Variants in PHTF1 observed in about 807,000 individuals in gnomAD.
The protein encoded by PHTF1 is putative homeodomain transcription factor 1.
A neutral mutation model predicts 102.4 loss-of-function variants in PHTF1; 88 were observed. That is an observed-to-expected ratio of 0.86 (90% CI 0.72 to 1.03). The LOEUF (loss-of-function observed/expected upper bound fraction) is 1.03, where lower values mean the gene tolerates loss of function less well. Ranked by LOEUF, PHTF1 falls within the 50% of genes least tolerant of loss-of-function variation. The pLI is 0.00. For missense variants in PHTF1, 814 were observed against 909.5 expected, an observed-to-expected ratio of 0.89 and a Z score of 1.35; for synonymous variants, 289 against 305.2, an observed-to-expected ratio of 0.95 and a Z score of 0.55.
At chr1:113,736,367 G>A (rs894024937) in intron 5 of PHTF1, among the ~76,000 whole-genome samples, 12 of 150,520 alleles carry the variant, frequency 8.0e-5, no homozygotes, top group Non-Finnish European at 1.6e-4. Flanking sequence ...AAGATACGTA[G>A]ATAGGAATGG....
chr1:113,715,772 A>T (rs1029984114), intron 7 of PHTF1, among the ~76,000 whole-genome samples: 6 of 144,102 alleles, frequency 4.2e-5, no homozygotes, highest in Non-Finnish European at 7.6e-5. Flanking sequence ...TGAAATAACT[A>T]AAAAAAAAAA....
At chr1:113,733,425 A>C (rs1655008058) in intron 5 of PHTF1, among the ~76,000 whole-genome samples, 1 of 152,182 alleles carries the variant, frequency 6.6e-6, no homozygotes, top group Non-Finnish European at 1.5e-5. Flanking sequence ...CATTATTAAT[A>C]AAAAACACAT....
At chr1:113,758,617 G>T in intron 2 of PHTF1, 42 bp downstream of exon 2, 1 of 1,231,600 alleles carries the variant, frequency 8.1e-7, no homozygotes, top group Non-Finnish European at 1.1e-6. Flanking sequence ...CTTTTTGCAG[G>T]AAGAATGCTT....
intron 7 of PHTF1, among the ~76,000 whole-genome samples, chr1:113,723,004 A>G (rs1443801263): frequency 1.3e-5 from 2 of 151,722 alleles, no homozygotes; most frequent in Non-Finnish European, 2.9e-5. Flanking sequence ...ACCCAAAATA[A>G]CCAAAGCTAT....
chr1:113,699,599 G>C, intron 17 of PHTF1, 105 bp downstream of exon 17: 1 of 693,298 alleles, frequency 1.4e-6, no homozygotes, highest in South Asian at 1.6e-5. Context: ...TCCACTTCCA[G>C]GACCCCTCCC....
intron 15 of PHTF1, 182 bp downstream of exon 15, chr1:113,703,899 G>A (rs1325138706): frequency 3.8e-6 from 2 of 532,448 alleles, no homozygotes; most frequent in African/African-American, 1.9e-5. Context: ...AGTTTGAAAG[G>A]ACTTCAGAAT....
At chr1:113,739,870 C>T (rs766335726) in intron 3 of PHTF1, among the ~76,000 whole-genome samples, 61 of 152,306 alleles carry the variant, frequency 4.0e-4, no homozygotes, top group Middle Eastern at 3.4e-3. Context: ...CTTTGCATAA[C>T]GTTCTCCATT....
rs535085340 is a variant in PHTF1, at chr1:113,723,710, T to G, written c.623+1049A>C. 3.9e-5 allele frequency among the ~76,000 whole-genome samples: 6 copies of G among 152,290 alleles called. No individual in the cohort carries two copies. In the South Asian group the frequency reaches 1.2e-3, roughly 32 times the overall value. On this transcript the variant is annotated intron_variant, in intron 7 of 18. Coordinates refer to ENST00000369604, the MANE Select transcript of PHTF1 (RefSeq NM_001323043.2). ...ATTAGGGAAACTCTCCAGATGTTGG[T>G]CTGGGCAAAGATTTCTTAAGTAATA...
chr1:113,726,843 A>G (rs1653920737), intron 5 of PHTF1, among the ~76,000 whole-genome samples: 1 of 152,186 alleles, frequency 6.6e-6, no homozygotes, highest in Admixed American at 6.5e-5. Flanking sequence ...CACCACAAAA[A>G]CAACTAGATG....
chr1:113,711,367 CATG>C (rs1289111655), intron 10 of PHTF1, among the ~76,000 whole-genome samples: 4 of 152,166 alleles, frequency 2.6e-5, no homozygotes, highest in African/African-American at 7.2e-5. Flanking sequence ...CTTTAGCTCT[CATG>C]ATGAGATTTA....
rs1057301230 is a variant in PHTF1 at position 113,700,255 on chromosome 1, A to G, written c.2047-456T>C. On this transcript the variant is annotated intron_variant, in intron 16 of 18. Transcript: ENST00000369604. ...TCTCCATTACGATTCTAAGACAAAA[A>G]AAAAACAGAAACGAATGATAAATGT... is the stretch of plus-strand genomic sequence containing the variant. 1.5e-5 allele frequency: 10 copies of G among 656,964 alleles called. No individual in the cohort carries two copies. In the East Asian group the frequency reaches 5.4e-4, roughly 36 times the overall value. The allele number at this position is 656,964 out of a possible 1,614,324, so 40.7% of individuals were successfully genotyped here. A position where few individuals can be genotyped will look rare whatever the true frequency, so the allele number is the denominator to read the frequency against.
rs907978767 is a variant in PHTF1, at chr1:113,698,442, A to T, written c.2143-55T>A. On this transcript the variant is annotated intron_variant, in intron 17 of 18. Transcript: ENST00000369604. ...GATACATGTTTTCTCATAGCTACTC[A>T]GTGACTTCTTGCTGTGTTTTGTCTT... 7.8e-6 allele frequency: 12 copies of T among 1,542,688 alleles called. No homozygotes were observed. The Admixed American group carries it at 8.6e-5, about 11-fold the overall frequency.
intron 3 of PHTF1, among the ~76,000 whole-genome samples, chr1:113,745,646 C>G (rs1356382602): frequency 6.6e-6 from 1 of 152,156 alleles, no homozygotes; most frequent in Non-Finnish European, 1.5e-5. Context: ...TCAGCCCTAC[C>G]TCCTGTCAGA....
In PHTF1 at chr1:113,706,681, A is replaced by AG; in HGVS notation, c.1310_1311insC (p.Arg438SerfsTer3). 1 of 1,609,248 alleles carries AG rather than the reference A, an allele frequency of 6.2e-7. No individual in the cohort carries two copies. The highest frequency in any genetic ancestry group is 1.1e-5 in the South Asian group (1 of 90,538). On this transcript the variant is annotated frameshift_variant, in exon 12 of 19. Coordinates refer to ENST00000369604, the MANE Select transcript of PHTF1 (RefSeq NM_001323043.2). LOFTEE classifies it high-confidence loss of function. ...CCTCCCAGATTATTGCACTAACTCG[A>AG]TCAGAGGAAGGACTTGAATTCTGAA...
intron 3 of PHTF1, among the ~76,000 whole-genome samples, chr1:113,751,067 GCCTAGGCAATGTGGTGAGA>G (rs1414769908): frequency 6.6e-6 from 1 of 152,078 alleles, no homozygotes; most frequent in Non-Finnish European, 1.5e-5. Flanking sequence ...TTCAAGACCA[GCCTAGGCAATGTGGTGAGA>G]CCTTGTCTCT....
intron 5 of PHTF1, among the ~76,000 whole-genome samples, chr1:113,733,322 T>C (rs1201151815): frequency 6.6e-6 from 1 of 152,048 alleles, no homozygotes; most frequent in Non-Finnish European, 1.5e-5. Context: ...ACTAAAAGCC[T>C]TAAATGTCCA....
intron 15 of PHTF1, 67 bp from the exon 16 acceptor site, chr1:113,701,016 C>T: frequency 8.4e-7 from 1 of 1,187,414 alleles, no homozygotes; most frequent in Non-Finnish European, 1.2e-6. Context: ...TACTCTTTTA[C>T]TCTGTCAATT....
chr1:113,733,289 C>T (rs1476907937), intron 5 of PHTF1, among the ~76,000 whole-genome samples: 1 of 151,796 alleles, frequency 6.6e-6, no homozygotes. Flanking sequence ...AACAACTGTG[C>T]CATCAGCAAT....
At chr1:113,730,816 T>C (rs1452487806) in intron 5 of PHTF1, among the ~76,000 whole-genome samples, 2 of 152,212 alleles carry the variant, frequency 1.3e-5, no homozygotes, top group Non-Finnish European at 2.9e-5. Flanking sequence ...GGTATCTACA[T>C]ACAATGGAAT....
Sources: gnomAD v4.1 joint callset for allele counts (sites outside exome capture counted in the v4.1 genomes callset) on GRCh38, gnomAD v4.1.1 for gene constraint, MANE v1.5 for transcripts, NCBI Gene and HGNC (gene_info 2026-07-23, HGNC 2026-07-21) for gene names.